RARB: variants seen among roughly 807,000 people sequenced by gnomAD.
RARB encodes the protein retinoic acid receptor beta, also known as HBV-activated protein.
RARB carries 17 observed loss-of-function variants against 51.9 expected under a neutral mutation model. The ratio of observed to expected loss-of-function variants is 0.33; its 90% confidence interval spans 0.22 to 0.49. The LOEUF is 0.49. Ranked by LOEUF, RARB falls within the 20% of genes least tolerant of loss-of-function variation. RARB has a pLI of 0.99. For missense variants in RARB, 369 were observed against 550.8 expected, an observed-to-expected ratio of 0.67 and a Z score of 3.30; for synonymous variants, 215 against 195.4, an observed-to-expected ratio of 1.10 and a Z score of -0.84.
At chr3:25,484,478 C>G (rs539337976) in intron 2 of RARB, among the ~76,000 whole-genome samples, 1 of 152,014 alleles carries the variant, frequency 6.6e-6, no homozygotes, top group East Asian at 1.9e-4. Context: ...TATGTTTTAG[C>G]CAGGGGTTGT....
intron 2 of RARB, among the ~76,000 whole-genome samples, chr3:24,995,482 T>C (rs1697001740): frequency 6.6e-6 from 1 of 152,116 alleles, no homozygotes; most frequent in Non-Finnish European, 1.5e-5. Flanking sequence ...CAAATTTCTC[T>C]AGCTAGGACT....
At chr3:25,517,842 G>A (rs980651180) in intron 3 of RARB, among the ~76,000 whole-genome samples, 5 of 152,062 alleles carry the variant, frequency 3.3e-5, no homozygotes, top group East Asian at 1.9e-4. Context: ...TATATGGTAC[G>A]ACATGGATGA....
At chr3:25,361,761 T>C (rs1705943121) in intron 5 of RARB, among the ~76,000 whole-genome samples, 1 of 152,224 alleles carries the variant, frequency 6.6e-6, no homozygotes, top group South Asian at 2.1e-4. Flanking sequence ...CTGCTGGAGT[T>C]TGCTGGGGTC....
chr3:25,058,065 A>T (rs1051342473), intron 2 of RARB, among the ~76,000 whole-genome samples: 2 of 151,976 alleles, frequency 1.3e-5, no homozygotes, highest in Non-Finnish European at 2.9e-5. Context: ...TTGACTTTAG[A>T]GCATAAACTT....
In RARB at chr3:25,170,123, C is replaced by G. The variant is rs185983789; in HGVS notation, c.-279-3996C>G. ...CAAGCAGGGGTCAGCAAACCACGGCCCATGGGTCAAATTCATCAGGCTGTC... is the reference window on the plus strand; with the variant it reads ...CAAGCAGGGGTCAGCAAACCACGGCGCATGGGTCAAATTCATCAGGCTGTC... On this transcript the variant is annotated intron_variant, in intron 4 of 11. Transcript: ENST00000383772. Among the ~76,000 whole-genome samples, 320 of 152,114 alleles carry G rather than the reference C, an allele frequency of 2.1e-3. 4 individuals carry two copies. The highest frequency in any genetic ancestry group is 7.4e-3 in the African/African-American group (307 of 41,506).
chr3:25,106,341 T>C (rs1440735126), intron 3 of RARB, among the ~76,000 whole-genome samples: 3 of 152,116 alleles, frequency 2.0e-5, no homozygotes, highest in Non-Finnish European at 2.9e-5. Flanking sequence ...AGTGGTGCAA[T>C]TGCAGCTCAC....
intron 3 of RARB, among the ~76,000 whole-genome samples, chr3:25,093,035 C>T (rs1257821484): frequency 1.3e-5 from 2 of 152,184 alleles, no homozygotes. Context: ...ACAGGTGTTG[C>T]TTACAATGAT....
intron 5 of RARB, among the ~76,000 whole-genome samples, chr3:25,583,694 C>T (rs1701276237): frequency 6.6e-6 from 1 of 152,202 alleles, no homozygotes; most frequent in African/African-American, 2.4e-5. Flanking sequence ...CCATCCTAGC[C>T]TTTGCTCGGT....
intron 2 of RARB, among the ~76,000 whole-genome samples, chr3:24,989,214 T>C (rs1003863714): frequency 1.1e-4 from 16 of 152,250 alleles, no homozygotes; most frequent in African/African-American, 3.4e-4. Flanking sequence ...AGTCAAAATG[T>C]TTAGCAATCT....
intron 2 of RARB, among the ~76,000 whole-genome samples, chr3:24,909,663 T>C (rs1694946888): frequency 6.6e-6 from 1 of 152,100 alleles, no homozygotes; most frequent in Admixed American, 6.5e-5. Context: ...TTGTTAGTCC[T>C]TCTATATGTC....
chr3:25,392,506 T>G (rs1706993760), intron 5 of RARB, among the ~76,000 whole-genome samples: 6 of 152,196 alleles, frequency 3.9e-5, no homozygotes, highest in African/African-American at 1.2e-4. Context: ...ACAATATTGA[T>G]TCTATCCATC....
At chr3:25,562,622 C>T (rs1480981327) in intron 3 of RARB, among the ~76,000 whole-genome samples, 1 of 152,188 alleles carries the variant, frequency 6.6e-6, no homozygotes, top group Non-Finnish European at 1.5e-5. Flanking sequence ...TAAGCCAGAA[C>T]ATTTTCTTTT....
At chr3:24,925,568 G>A (rs1382038514) in intron 2 of RARB, among the ~76,000 whole-genome samples, 1 of 150,486 alleles carries the variant, frequency 6.6e-6, no homozygotes. Context: ...CTTGATCCCA[G>A]GAGATCGAGG....
chr3:25,073,501 G>A (rs6419850), intron 3 of RARB, among the ~76,000 whole-genome samples: 134,296 of 152,296 alleles, frequency 0.88, 59,552 homozygotes, highest in African/African-American at 0.97. Context: ...TAAACAGTTA[G>A]TTAGGTTTCT....
At chr3:25,264,110 G>GT (rs1703070479) in intron 5 of RARB, among the ~76,000 whole-genome samples, 1 of 142,812 alleles carries the variant, frequency 7.0e-6, no homozygotes, top group Non-Finnish European at 1.6e-5. Context: ...GGGCATTGTT[G>GT]ATTTTTTTTT....
upstream of RARB, among the ~76,000 whole-genome samples, chr3:25,423,861 G>A (rs114213796): frequency 2.0e-5 from 3 of 152,340 alleles, no homozygotes; most frequent in Non-Finnish European, 4.4e-5. Context: ...GAGATGGTTC[G>A]CAGCTCACTG....
At chr3:25,518,546 C>G (rs1153595) in intron 3 of RARB, among the ~76,000 whole-genome samples, 60,579 of 151,924 alleles carry the variant, frequency 0.4, 17,961 homozygotes, top group African/African-American at 0.83. Flanking sequence ...AAAAGGCATG[C>G]AAAAGCAAGG....
chr3:24,908,667 T>TTTTTG (rs1694923900), intron 2 of RARB, among the ~76,000 whole-genome samples: 1 of 115,014 alleles, frequency 8.7e-6, no homozygotes, highest in East Asian at 2.9e-4. Context: ...ACAACTGTTT[T>TTTTTG]TTTTTTTTTT....
intron 5 of RARB, among the ~76,000 whole-genome samples, chr3:25,351,013 C>T (rs1320471917): frequency 2.0e-5 from 3 of 152,164 alleles, no homozygotes; most frequent in Non-Finnish European, 2.9e-5. Context: ...CGTTTCCGAA[C>T]ACAGAGGTAG....
Sources: allele counts gnomAD v4.1 joint callset (sites outside exome capture counted in the v4.1 genomes callset), GRCh38; gene constraint gnomAD v4.1.1; transcripts MANE v1.5; gene names NCBI Gene and HGNC (gene_info 2026-07-23, HGNC 2026-07-21).